MYO10: variants seen among roughly 807,000 people sequenced by gnomAD.
MYO10 encodes unconventional myosin-X.
MYO10 carries 133 observed loss-of-function variants against 257.3 expected under a neutral mutation model. The ratio of observed to expected loss-of-function variants is 0.52; its 90% CI spans 0.45 to 0.60. MYO10 has a LOEUF of 0.60. MYO10 is among the 20% of genes least tolerant of loss of function. The pLI, the probability that MYO10 is intolerant of heterozygous loss-of-function variation, is 0.00. For synonymous variants in MYO10, 1,104 were observed against 1,028.6 expected, an observed-to-expected ratio of 1.07 and a Z score of -1.40; for missense variants, 2,399 against 2,635.7, an observed-to-expected ratio of 0.91 and a Z score of 1.97.
intron 4 of MYO10, among the ~76,000 whole-genome samples, chr5:16,793,385 T>C (rs1469882487): frequency 2.6e-5 from 4 of 152,182 alleles, no homozygotes; most frequent in Non-Finnish European, 4.4e-5. Flanking sequence ...AGTGCAGTGG[T>C]GTGATCTCAG....
intron 1 of MYO10, chr5:16,916,405 T>TAAAAAAAAAAAAAAAAAAAAAAAAAAA (rs71596001): frequency 9.6e-6 from 1 of 104,262 alleles, no homozygotes; most frequent in African/African-American, 3.6e-5. Context: ...AGCCATGAAG[T>TAAAAAAAAAAAAAAAAAAAAAAAAAAA]AAAAAAAAAA....
At chr5:16,805,082 T>A (rs551813420) in intron 3 of MYO10, among the ~76,000 whole-genome samples, 1 of 152,280 alleles carries the variant, frequency 6.6e-6, no homozygotes, top group Non-Finnish European at 1.5e-5. Flanking sequence ...TAAGAAAAGT[T>A]CAACATGTAA....
intron 1 of MYO10, among the ~76,000 whole-genome samples, chr5:16,921,622 A>C (rs1407486038): frequency 1.4e-5 from 2 of 143,550 alleles, no homozygotes; most frequent in African/African-American, 2.6e-5. Context: ...GTCTGGAAAA[A>C]AGAAAAGGAA....
At chr5:16,774,178 G>A (rs762970710) in intron 9 of MYO10, among the ~76,000 whole-genome samples, 6 of 152,130 alleles carry the variant, frequency 3.9e-5, no homozygotes, top group South Asian at 2.1e-4. Context: ...GCTTGTGAAC[G>A]TGAATGTGTG....
chr5:16,859,198 T>C (rs1171008738), intron 2 of MYO10, among the ~76,000 whole-genome samples: 1 of 152,128 alleles, frequency 6.6e-6, no homozygotes, highest in Non-Finnish European at 1.5e-5. Flanking sequence ...TAATTAACAA[T>C]AGAAATCTAT....
At chr5:16,852,759 A>T (rs1444889243) in intron 2 of MYO10, among the ~76,000 whole-genome samples, 1 of 152,158 alleles carries the variant, frequency 6.6e-6, no homozygotes, top group Admixed American at 6.5e-5. Context: ...TCACACGTAA[A>T]TGACACAGCA....
chr5:16,739,608 C>CAATTACA (rs1157793983), intron 19 of MYO10, among the ~76,000 whole-genome samples: 1 of 151,816 alleles, frequency 6.6e-6, no homozygotes, highest in Non-Finnish European at 1.5e-5. Context: ...AACAAATAAA[C>CAATTACA]AATCCAGTAA....
intron 19 of MYO10, among the ~76,000 whole-genome samples, chr5:16,740,784 G>A (rs1283608746): frequency 1.3e-5 from 2 of 151,918 alleles, no homozygotes; most frequent in Non-Finnish European, 2.9e-5. Context: ...TGTAAGAGAG[G>A]TAGAAAATAT....
At chr5:16,742,704 G>A (rs762458685) in intron 19 of MYO10, among the ~76,000 whole-genome samples, 21 of 151,844 alleles carry the variant, frequency 1.4e-4, no homozygotes, top group Non-Finnish European at 2.1e-4. Flanking sequence ...CCAGCTACTC[G>A]GGAGGCTGAG....
chr5:16,820,709 A>T (rs920835929), intron 2 of MYO10, among the ~76,000 whole-genome samples: 1 of 152,130 alleles, frequency 6.6e-6, no homozygotes, highest in African/African-American at 2.4e-5. Flanking sequence ...AAGATTTAGA[A>T]TATTATAATT....
At chr5:16,857,562 A>G (rs1743994481) in intron 2 of MYO10, among the ~76,000 whole-genome samples, 1 of 152,210 alleles carries the variant, frequency 6.6e-6, no homozygotes. Context: ...GCAGGCTCCT[A>G]AAACACCTGC....
At chr5:16,671,164 C>T (rs1188057438) in intron 38 of MYO10, among the ~76,000 whole-genome samples, 186 bp from the exon 39 acceptor site, 1 of 152,172 alleles carries the variant, frequency 6.6e-6, no homozygotes, top group Non-Finnish European at 1.5e-5. Flanking sequence ...GCACAGATAC[C>T]ATCTAACACA....
rs1736103962 is a variant in MYO10 at position 16,665,194 on chromosome 5, C to G, written c.*1498G>C. ...CTCCAGCCTGGGTAACAGAGTGAGA[C>G]TCTGTCTCTAAAGAAAAAAAAAAAA... On this transcript the variant is annotated 3_prime_UTR_variant, in exon 41 of 41. Transcript: ENST00000513610. The G allele has an allele frequency of 6.9e-6, 1 of 145,438 alleles. No homozygotes were observed. Among genetic ancestry groups the G allele is most frequent in the African/African-American group, 2.5e-5 (1 of 39,614 alleles). 9.0% of individuals were successfully genotyped at this position (145,438 alleles called of 1,614,324 possible). A position where few individuals can be genotyped will look rare whatever the true frequency, so the allele number is the denominator to read the frequency against.
chr5:16,701,620 C>G lies in MYO10; in HGVS notation c.2775G>C (p.Gln925His). 2 of 1,610,898 alleles carry G rather than the reference C, an allele frequency of 1.2e-6. No homozygotes were observed. The highest frequency in any genetic ancestry group is 1.7e-6 in the Non-Finnish European group (2 of 1,178,322). ...SLQKLQERRD[Q>H]ELRRLEEEAC... ...CTTCCTCCTCCAGCCTGCGGAGCTC[C>G]TGGTCCCGCCGCTCCTGCAGCTTCT... The change falls in exon 25 of 41, where the codon CAG (glutamine) becomes CAC (histidine). Residue 925 changes from glutamine to histidine, a missense_variant. Physicochemically the swap from Gln to His is conservative, Grantham distance 24. Transcript: ENST00000513610. This position sits in a 1 kb window ranked among gnomAD's most constrained non-coding sequence, Gnocchi z 8.1.
chr5:16,778,742 G>A (rs1303924532), intron 9 of MYO10, among the ~76,000 whole-genome samples: 2 of 145,382 alleles, frequency 1.4e-5, no homozygotes, highest in Non-Finnish European at 3.0e-5. Context: ...CCAGGCTGGA[G>A]TGCAGTTGCG....
Position 16,917,718 on chromosome 5 carries a change from G to GA in MYO10, c.21+18069dup, listed in dbSNP as rs1188468345. Among the ~76,000 whole-genome samples the GA allele has an allele frequency of 6.3e-4, 95 of 150,434 alleles. 1 individual carries two copies. Among genetic ancestry groups the GA allele is most frequent in the African/African-American group, 2.2e-3 (91 of 40,916 alleles). On this transcript the variant is annotated intron_variant, in intron 1 of 40. Coordinates refer to ENST00000513610, the MANE Select transcript of MYO10 (RefSeq NM_012334.3). ...ACAAAAAAAAAAAGGAAAAAAAAAA[G>GA]AAAAAATCAGATGGGCATGGTGGCA...
chr5:16,783,440 CT>C lies in MYO10; in HGVS notation c.496del (p.Ser166AlafsTer4). 6.2e-7 allele frequency: 1 copy of C among 1,611,312 alleles called. No individual in the cohort carries two copies. The highest frequency in any genetic ancestry group is 8.5e-7 in the Non-Finnish European group (1 of 1,178,922). ...SGESGAGKTESTKLILKFLSV... is the reference protein window; with the variant it reads ...SGESGAGKTEXTKLILKFLSV... ...CAGAAACTTGAGGATCAATTTAGTG[CT>C]TTCGGTTTTACCTGCCCCACTTTCA... On this transcript the variant is annotated frameshift_variant, in exon 5 of 41. Coordinates refer to ENST00000513610, the MANE Select transcript of MYO10 (RefSeq NM_012334.3). LOFTEE classifies it high-confidence loss of function.
intron 33 of MYO10, 128 bp downstream of exon 33, chr5:16,679,819 C>CT: frequency 7.7e-6 from 10 of 1,294,790 alleles, no homozygotes; most frequent in Non-Finnish European, 8.4e-6. Context: ...GCCACCGTGC[C>CT]GGCCAACCAA....
Position 16,936,099 on chromosome 5 carries a change from T to G in MYO10, c.-291A>C. 3.2e-5 allele frequency: 13 copies of G among 408,874 alleles called. No individual in the cohort carries two copies. The highest frequency in any genetic ancestry group is 1.4e-4 in the East Asian group (3 of 22,056). 25.3% of individuals were successfully genotyped at this position (408,874 alleles called of 1,614,324 possible). ...CGGAGAACAGCTGGTGGCACATTCT[T>G]CCCCCAGGCGGGGGAAGGCGGCGGG... is the stretch of plus-strand genomic sequence containing the variant. On this transcript the variant is annotated 5_prime_UTR_variant, in exon 1 of 41. Coordinates refer to ENST00000513610, the MANE Select transcript of MYO10 (RefSeq NM_012334.3).
Sources: gnomAD v4.1 joint callset for allele counts (sites outside exome capture counted in the v4.1 genomes callset) on GRCh38, gnomAD v4.1.1 for gene constraint, Gnocchi (gnomAD v3.1) non-coding constraint, MANE v1.5 for transcripts, NCBI Gene and HGNC (gene_info 2026-07-23, HGNC 2026-07-21) for gene names.